LRP6: variants seen among roughly 807,000 people sequenced by gnomAD.
LRP6 encodes the protein LDL receptor related protein 6, also known as low-density lipoprotein receptor-related protein 6.
In LRP6, 43 loss-of-function variants were observed where a neutral mutation model predicts 184.1. That is an observed-to-expected ratio of 0.23 (90% CI 0.18 to 0.30). The LOEUF (loss-of-function observed/expected upper bound fraction) is 0.30, where lower values mean the gene tolerates loss of function less well. Among genes scored for constraint, LRP6 ranks in the 10% least tolerant of loss-of-function variants. The pLI is 1.00. For synonymous variants in LRP6, 719 were observed against 684.9 expected, an observed-to-expected ratio of 1.05 and a Z score of -0.78; for missense variants, 1,571 against 2,005.3, an observed-to-expected ratio of 0.78 and a Z score of 4.14.
Position 12,208,390 on chromosome 12 carries a change from T to C in LRP6, c.450-4990A>G, listed in dbSNP as rs1864121172. Among the ~76,000 whole-genome samples the C allele has an allele frequency of 3.3e-5, 5 of 152,226 alleles. No homozygotes were observed. The South Asian group carries it at 1.0e-3, about 31-fold the overall frequency. The stretch of plus-strand genomic sequence containing the variant: ...AACAAAAAAATATGAATTTTTTGCA[T>C]GTAAATTCTAACTCAGTAAAGTTGC... On this transcript the variant is annotated intron_variant, in intron 2 of 22. Transcript: ENST00000261349.
chr12:12,138,338 G>GTTCA lies in LRP6; in HGVS notation c.3590_3593dup (p.Leu1199GlufsTer14). The GTTCA allele has an allele frequency of 1.2e-6, 2 of 1,613,770 alleles. No homozygotes were observed. The highest frequency in any genetic ancestry group is 1.7e-6 in the Non-Finnish European group (2 of 1,179,736). On this transcript the variant is annotated frameshift_variant, in exon 16 of 23. Coordinates refer to ENST00000261349, the MANE Select transcript of LRP6 (RefSeq NM_002336.3). LOFTEE classifies it high-confidence loss of function. Reference sequence around the variant, plus strand: ...ATTAACACTTACTGTATTCTTGAAGGTTCAGCTCCTTTACTGCATGAATGT... The same window carrying GTTCA: ...ATTAACACTTACTGTATTCTTGAAGGTTCATTCAGCTCCTTTACTGCATGAATGT...
intron 12 of LRP6, among the ~76,000 whole-genome samples, chr12:12,153,443 A>G (rs1418791694): frequency 6.6e-6 from 1 of 152,176 alleles, no homozygotes; most frequent in Non-Finnish European, 1.5e-5. Context: ...CTCTTTTCCA[A>G]GCAAAATTTT....
intron 3 of LRP6, among the ~76,000 whole-genome samples, chr12:12,201,454 C>A (rs1354513557): frequency 2.0e-5 from 3 of 152,124 alleles, no homozygotes; most frequent in Non-Finnish European, 4.4e-5. Context: ...AATAACCCAC[C>A]ATCTTGTCCA....
chr12:12,168,991 G>A (rs1168542877), intron 7 of LRP6, among the ~76,000 whole-genome samples: 4 of 152,150 alleles, frequency 2.6e-5, no homozygotes, highest in African/African-American at 9.7e-5. Flanking sequence ...CACTTTGGGA[G>A]GCCAAGGCAG....
At chr12:12,213,841 G>C (rs1030285839) in intron 2 of LRP6, among the ~76,000 whole-genome samples, 8 of 152,132 alleles carry the variant, frequency 5.3e-5, no homozygotes, top group African/African-American at 1.4e-4. Context: ...ATGTCTCATA[G>C]ATTTAACATT....
At chr12:12,129,022 G>A (rs1404485998) in intron 19 of LRP6, among the ~76,000 whole-genome samples, 2 of 152,158 alleles carry the variant, frequency 1.3e-5, no homozygotes, top group Non-Finnish European at 1.5e-5. Context: ...TAAATGGTGA[G>A]AATGATTTAG....
rs1424405501 is a variant in LRP6, at chr12:12,244,343, T to G, written c.368A>C (p.Asn123Thr). The G allele has an allele frequency of 1.2e-6, 2 of 1,614,094 alleles. No homozygotes were observed. The highest frequency in any genetic ancestry group is 4.5e-5 in the East Asian group (2 of 44,898). The change falls in exon 2 of 23, where the codon AAT becomes ACT. Residue 123 changes from asparagine to threonine, a missense_variant. Physicochemically the swap from Asn to Thr is moderately conservative, Grantham distance 65 (BLOSUM62 0). This residue lies in a region of LRP6 where 640 missense variants were observed against 851.9 expected (regional missense o/e 0.75). Transcript: ENST00000261349. ...DSETNRIEVSNLDGSLRKVLF... is the reference protein window; with the variant it reads ...DSETNRIEVSTLDGSLRKVLF... ...AACTTTTCGTAAAGATCCATCTAAATTAGAAACTTCAATCCGATTAGTTTC... is the reference window on the plus strand; with the variant it reads ...AACTTTTCGTAAAGATCCATCTAAAGTAGAAACTTCAATCCGATTAGTTTC...
At chr12:12,174,979 G>T (rs886523323) in intron 7 of LRP6, among the ~76,000 whole-genome samples, 1 of 152,178 alleles carries the variant, frequency 6.6e-6, no homozygotes, top group Non-Finnish European at 1.5e-5. Context: ...AAATACACAT[G>T]TTCTTACAGT....
intron 3 of LRP6, among the ~76,000 whole-genome samples, chr12:12,188,895 G>A (rs1161140455): frequency 6.6e-6 from 1 of 152,068 alleles, no homozygotes; most frequent in African/African-American, 2.4e-5. Context: ...ATTCATGGTG[G>A]AAACAGAGAG....
At chr12:12,154,203 C>CTA (rs1237517572) in intron 12 of LRP6, among the ~76,000 whole-genome samples, 1 of 152,166 alleles carries the variant, frequency 6.6e-6, no homozygotes, top group Non-Finnish European at 1.5e-5. Flanking sequence ...TCTAACATGT[C>CTA]GGACATGTTC....
intron 2 of LRP6, among the ~76,000 whole-genome samples, chr12:12,222,904 G>C (rs1386932380): frequency 6.6e-6 from 1 of 151,876 alleles, no homozygotes; most frequent in Non-Finnish European, 1.5e-5. Context: ...AATATTTCTA[G>C]GATAAGTATA....
chr12:12,223,794 T>C (rs534981523), intron 2 of LRP6, among the ~76,000 whole-genome samples: 39 of 152,288 alleles, frequency 2.6e-4, no homozygotes, highest in African/African-American at 9.4e-4. Context: ...CCAATTCTAA[T>C]CCTTTACCAC....
chr12:12,159,186 A>G, intron 11 of LRP6, 31 bp from the exon 12 acceptor site: 1 of 1,534,242 alleles, frequency 6.5e-7, no homozygotes, highest in Non-Finnish European at 9.0e-7. Context: ...GACAGGGGAG[A>G]AGCAGAGTGA....
chr12:12,179,989 A>G lies in LRP6; in HGVS notation c.1374-8T>C. On this transcript the variant is annotated splice_region_variant and splice_polypyrimidine_tract_variant and intron_variant, in intron 6 of 22. Coordinates refer to ENST00000261349, the MANE Select transcript of LRP6 (RefSeq NM_002336.3). ...TCAGTCCAATACATGTACCTAGAGA[A>G]GTATACAAAAAATGAGCTAAAAATA... The G allele has an allele frequency of 6.2e-7, 1 of 1,611,632 alleles. No individual in the cohort carries two copies. Among genetic ancestry groups the G allele is most frequent in the Non-Finnish European group, 8.5e-7 (1 of 1,177,816 alleles).
intron 7 of LRP6, among the ~76,000 whole-genome samples, chr12:12,176,968 C>T (rs1863202914): frequency 1.3e-5 from 2 of 151,524 alleles, no homozygotes; most frequent in African/African-American, 2.4e-5. Flanking sequence ...CTGCCTCAGC[C>T]TCCCGAGTAG....
At chr12:12,223,176 G>GA (rs35090683) in intron 2 of LRP6, among the ~76,000 whole-genome samples, 71,872 of 115,128 alleles carry the variant, frequency 0.62, 21,421 homozygotes, top group East Asian at 0.85. Flanking sequence ...CATTTCATCA[G>GA]AAAAAAAAAA....
At chr12:12,216,369 G>A (rs960997603) in intron 2 of LRP6, among the ~76,000 whole-genome samples, 4 of 152,130 alleles carry the variant, frequency 2.6e-5, no homozygotes, top group African/African-American at 9.7e-5. Flanking sequence ...TTTAAAAAAT[G>A]ATAATAATAT....
At chr12:12,215,124 T>C (rs772060987) in intron 2 of LRP6, among the ~76,000 whole-genome samples, 3 of 152,246 alleles carry the variant, frequency 2.0e-5, no homozygotes, top group Non-Finnish European at 2.9e-5. Flanking sequence ...GTGAGCAGCA[T>C]GACCTAGACC....
chr12:12,225,410 A>C (rs1174891611), intron 2 of LRP6, among the ~76,000 whole-genome samples: 2 of 152,232 alleles, frequency 1.3e-5, no homozygotes, highest in Non-Finnish European at 2.9e-5. Context: ...AATTTATCAA[A>C]GCAGAAATCC....
Sources: allele counts gnomAD v4.1 joint callset (sites outside exome capture counted in the v4.1 genomes callset), GRCh38; gene constraint gnomAD v4.1.1; regional missense constraint gnomAD v4.1.1; transcripts MANE v1.5; gene names NCBI Gene and HGNC (gene_info 2026-07-23, HGNC 2026-07-21).